Variants in SDK1 observed in about 807,000 individuals in gnomAD.
SDK1 encodes protein sidekick-1.
Under a neutral mutation model 245.5 loss-of-function variants are expected in SDK1, and 157 were observed. The ratio of observed to expected loss-of-function variants is 0.64; its 90% confidence interval spans 0.56 to 0.73. SDK1 has a LOEUF of 0.73. SDK1 is among the 30% of genes least tolerant of loss of function. The pLI is 0.00. For missense variants in SDK1, 3,583 were observed against 3,002.3 expected (o/e 1.19, Z -4.52); for synonymous variants, 1,647 against 1,278.5 (o/e 1.29, Z -6.15).
At chr7:3,914,636 C>G (rs536989908) in intron 5 of SDK1, among the ~76,000 whole-genome samples, 4 of 152,304 alleles carry the variant, frequency 2.6e-5, no homozygotes, top group South Asian at 4.1e-4. Flanking sequence ...TTTCCCAACT[C>G]TTATTGCAAA....
chr7:3,701,862 A>G (rs576216027), intron 4 of SDK1, among the ~76,000 whole-genome samples: 4 of 151,054 alleles, frequency 2.6e-5, no homozygotes, highest in African/African-American at 7.2e-5. Flanking sequence ...CATAAAAGCA[A>G]TTCAATGGAG....
intron 4 of SDK1, among the ~76,000 whole-genome samples, chr7:3,723,961 G>GAA (rs1224770132): frequency 6.7e-6 from 1 of 149,630 alleles, no homozygotes; most frequent in East Asian, 2.0e-4. Flanking sequence ...GAGAGAGAGA[G>GAA]AGAGAGAGAG....
intron 2 of SDK1, among the ~76,000 whole-genome samples, chr7:3,621,646 A>T (rs1056227978): frequency 6.6e-6 from 1 of 152,136 alleles, no homozygotes; most frequent in African/African-American, 2.4e-5. Flanking sequence ...GCACCAAGCC[A>T]TTTCTCTTTT....
At chr7:4,010,674 C>T (rs1348111283) in intron 14 of SDK1, among the ~76,000 whole-genome samples, 2 of 152,224 alleles carry the variant, frequency 1.3e-5, no homozygotes. Context: ...ATACTGAACA[C>T]AGGAATTAGG....
chr7:4,210,183 G>A (rs1371357585), intron 38 of SDK1, 21 bp downstream of exon 38: 3 of 1,523,232 alleles, frequency 2.0e-6, no homozygotes, highest in Non-Finnish European at 2.6e-6. Context: ...GGGTTGGGGA[G>A]ATGGGAGCGC....
rs139514995 is a variant in SDK1 at position 3,906,023 on chromosome 7, C to G, written c.848-44900C>G. ...TCCGATTTAAGCATATTTGCATCTT[C>G]TCATTTTGCCTTATTTTCTCTTCCC... is the stretch of plus-strand genomic sequence containing the variant. On this transcript the variant is annotated intron_variant, in intron 5 of 44. Transcript: ENST00000404826. Among the ~76,000 whole-genome samples, 1,101 of 152,208 alleles carry G rather than the reference C, an allele frequency of 7.2e-3. 14 individuals carry two copies. The highest frequency in any genetic ancestry group is 0.02 in the African/African-American group (846 of 41,526).
chr7:3,604,602 C>CTTTT (rs201453008), intron 1 of SDK1, among the ~76,000 whole-genome samples: 12 of 110,424 alleles, frequency 1.1e-4, no homozygotes, highest in South Asian at 3.3e-4. Flanking sequence ...CTTTTCTTTT[C>CTTTT]TTTTTTTTTT....
chr7:4,015,002 A>G (rs943580274), intron 16 of SDK1, among the ~76,000 whole-genome samples: 1 of 152,092 alleles, frequency 6.6e-6, no homozygotes, highest in Non-Finnish European at 1.5e-5. Context: ...TGGCTCATGC[A>G]GGTGTAGTTC....
chr7:4,243,084 A>G (rs1786632208), intron 43 of SDK1, among the ~76,000 whole-genome samples: 1 of 152,244 alleles, frequency 6.6e-6, no homozygotes, highest in South Asian at 2.1e-4. Context: ...AACATGAAAA[A>G]GCAACCACAT....
At chr7:4,170,393 G>T (rs1417829644) in intron 32 of SDK1, among the ~76,000 whole-genome samples, 1 of 152,126 alleles carries the variant, frequency 6.6e-6, no homozygotes, top group African/African-American at 2.4e-5. Flanking sequence ...GCTGCAGTGA[G>T]CTCTGATCGC....
At chr7:4,008,039 C>A (rs1194184392) in intron 14 of SDK1, among the ~76,000 whole-genome samples, 1 of 152,182 alleles carries the variant, frequency 6.6e-6, no homozygotes, top group Middle Eastern at 3.2e-3. Flanking sequence ...TGCAAAACTT[C>A]TGCACCACTA....
At chr7:3,403,250 A>G (rs528916571) in intron 1 of SDK1, among the ~76,000 whole-genome samples, 1 of 152,212 alleles carries the variant, frequency 6.6e-6, no homozygotes, top group Non-Finnish European at 1.5e-5. Context: ...TCTGTTTCTT[A>G]TGAGCTTACT....
At position 4,207,256 on chromosome 7, in the gene SDK1, G is replaced by A. The variant is rs1275810492; in HGVS notation, c.5215-843G>A. On this transcript the variant is annotated intron_variant, in intron 36 of 44. Transcript: ENST00000404826. ...AAGCCTCCGTGCTGCCTTTTCACAT[G>A]GGCAAGCCGCTCTAACAGCCTGGCC... 2.0e-5 allele frequency among the ~76,000 whole-genome samples: 3 copies of A among 152,326 alleles called. No individual in the cohort carries two copies. The East Asian group carries it at 5.8e-4, about 30-fold the overall frequency.
At chr7:3,424,045 C>G (rs4722775) in intron 1 of SDK1, among the ~76,000 whole-genome samples, 115,497 of 151,766 alleles carry the variant, frequency 0.76, 44,237 homozygotes, top group African/African-American at 0.84. Flanking sequence ...CCAAATAGTT[C>G]GGACTACAGG....
chr7:3,605,153 C>CACACACACACACACACAA (rs1554296733), intron 1 of SDK1, among the ~76,000 whole-genome samples: 2 of 151,228 alleles, frequency 1.3e-5, no homozygotes, highest in Non-Finnish European at 2.9e-5. Context: ...GAAACACACA[C>CACACACACACACACACAA]ACACACACAC....
At chr7:4,091,335 T>G (rs1165443887) in intron 22 of SDK1, among the ~76,000 whole-genome samples, 1 of 93,332 alleles carries the variant, frequency 1.1e-5, no homozygotes, top group African/African-American at 5.9e-5. Context: ...TTTTCTTTTC[T>G]TTTTTTTTTT....
intron 22 of SDK1, among the ~76,000 whole-genome samples, chr7:4,083,546 C>CTCCCTCTCTCCCTCCCTCCCTCCCTTCA (rs1781203306): frequency 1.1e-5 from 1 of 93,138 alleles, no homozygotes; most frequent in Non-Finnish European, 2.1e-5. Context: ...CCCTCCCTCC[C>CTCCCTCTCTCCCTCCCTCCCTCCCTTCA]TCCCTCCCTC....
intron 22 of SDK1, among the ~76,000 whole-genome samples, chr7:4,095,660 C>T (rs994349322): frequency 3.9e-5 from 6 of 152,182 alleles, no homozygotes; most frequent in Non-Finnish European, 5.9e-5. Flanking sequence ...GCAACCTCCA[C>T]CTCCTGGGTT....
rs202144155 is a variant in SDK1 at position 3,936,950 on chromosome 7, G to A, written c.848-13973G>A. The stretch of plus-strand genomic sequence containing the variant: ...GGAATGTTTCAGAGAATGCCACACG[G>A]TCAGGTGTAGCCGAAGCTCAGGAAT... On this transcript the variant is annotated intron_variant, in intron 5 of 44. Coordinates refer to ENST00000404826, the MANE Select transcript of SDK1 (RefSeq NM_152744.4). 4.7e-4 allele frequency among the ~76,000 whole-genome samples: 72 copies of A among 152,274 alleles called. 1 individual carries two copies. Among genetic ancestry groups the A allele is most frequent in the South Asian group, 2.3e-3 (11 of 4,828 alleles).
Sources: allele counts gnomAD v4.1 joint callset (sites outside exome capture counted in the v4.1 genomes callset), GRCh38; gene constraint gnomAD v4.1.1; transcripts MANE v1.5; gene names NCBI Gene and HGNC (gene_info 2026-07-23, HGNC 2026-07-21).